TRMT11: variants seen among roughly 807,000 people sequenced by gnomAD.
The protein encoded by TRMT11 is tRNA methyltransferase 11.
Under a neutral mutation model 62.8 loss-of-function variants are expected in TRMT11, and 53 were observed. That is an observed-to-expected ratio of 0.84 (90% confidence interval 0.68 to 1.06). The LOEUF (loss-of-function observed/expected upper bound fraction) is 1.06. Among genes scored for constraint, TRMT11 ranks in the 50% least tolerant of loss-of-function variants. The pLI, the probability that TRMT11 is intolerant of heterozygous loss-of-function variation, is 0.00. For synonymous variants in TRMT11, 188 were observed against 190.3 expected, an observed-to-expected ratio of 0.99 and a Z score of 0.10; for missense variants, 556 against 553.4, an observed-to-expected ratio of 1.00 and a Z score of -0.05.
chr6:126,223,624 T>C, the TRMT11 span, among the ~76,000 whole-genome samples: 6 of 152,192 alleles, frequency 3.9e-5, no homozygotes, highest in South Asian at 2.1e-4. Context: ...CAAAATCTAA[T>C]GACTATGTGT....
chr6:126,189,002 A>T (rs1778560492), intron 1 of TRMT11, among the ~76,000 whole-genome samples: 1 of 152,180 alleles, frequency 6.6e-6, no homozygotes, highest in South Asian at 2.1e-4. Context: ...AATTGAAAAA[A>T]AAATCATAGG....
chr6:126,054,631 A>G (rs1328882803), intron 17 of TRMT11, among the ~76,000 whole-genome samples: 2 of 152,226 alleles, frequency 1.3e-5, no homozygotes, highest in African/African-American at 2.4e-5. Flanking sequence ...CCTTATCTCC[A>G]AGGCAAAATA....
At chr6:126,226,783 C>G in the TRMT11 span, among the ~76,000 whole-genome samples, 1 of 152,156 alleles carries the variant, frequency 6.6e-6, no homozygotes, top group African/African-American at 2.4e-5. Flanking sequence ...GGTTGTAAGG[C>G]AGTTGATATG....
intron 12 of TRMT11, among the ~76,000 whole-genome samples, chr6:126,023,692 A>G (rs1796157228): frequency 6.6e-6 from 1 of 152,136 alleles, no homozygotes; most frequent in South Asian, 2.1e-4. Flanking sequence ...TGCCTGATGC[A>G]ATAATATGTT....
chr6:126,164,595 A>G (rs1193246136), intron 21 of TRMT11, among the ~76,000 whole-genome samples: 2 of 152,122 alleles, frequency 1.3e-5, no homozygotes, highest in African/African-American at 4.8e-5. Flanking sequence ...TCCCACTATT[A>G]TTGTATGCGA....
At chr6:126,269,469 G>A in the TRMT11 span, among the ~76,000 whole-genome samples, 1 of 151,844 alleles carries the variant, frequency 6.6e-6, no homozygotes, top group Admixed American at 6.6e-5. Flanking sequence ...AAAATCAGGG[G>A]GTTAAATCTT....
At chr6:126,082,981 C>G (rs1777175147) in intron 17 of TRMT11, among the ~76,000 whole-genome samples, 1 of 151,996 alleles carries the variant, frequency 6.6e-6, no homozygotes, top group Admixed American at 6.6e-5. Context: ...GGTTAATATC[C>G]AAAATTTATA....
At chr6:126,141,783 T>C (rs376101902) in intron 21 of TRMT11, among the ~76,000 whole-genome samples, 43 of 152,254 alleles carry the variant, frequency 2.8e-4, no homozygotes, top group African/African-American at 9.1e-4. Context: ...TAATAAATGC[T>C]TTTTATTCTA....
chr6:126,011,577 G>A (rs543364210), intron 9 of TRMT11, among the ~76,000 whole-genome samples, 160 bp downstream of exon 9: 2 of 152,062 alleles, frequency 1.3e-5, no homozygotes, highest in East Asian at 1.9e-4. Flanking sequence ...AAGTTATGAA[G>A]GTACTTAACT....
chr6:126,176,300 A>G (rs1325131747), upstream of TRMT11, among the ~76,000 whole-genome samples: 1 of 152,196 alleles, frequency 6.6e-6, no homozygotes, highest in African/African-American at 2.4e-5. Context: ...GTTAAAATAT[A>G]GTGCAATTTA....
rs78865286 is a variant in TRMT11 at position 126,103,106 on chromosome 6, C to T, written c.*1438-9760C>T. 8.5e-3 allele frequency among the ~76,000 whole-genome samples: 1,297 copies of T among 152,308 alleles called. 21 individuals carry two copies. The highest frequency in any genetic ancestry group is 0.03 in the African/African-American group (1,233 of 41,564). ...AGAACTGTGGAACCTCCTCGACTTC[C>T]ATCGTAAACTCTTCCTGGGACCCAG... On this transcript the variant is annotated intron_variant and NMD_transcript_variant, in intron 17 of 22. Coordinates refer to the TRMT11 transcript ENST00000648977.
chr6:126,205,815 G>C (rs1474836310), downstream of TRMT11, among the ~76,000 whole-genome samples: 4 of 151,720 alleles, frequency 2.6e-5, no homozygotes, highest in African/African-American at 9.7e-5. Context: ...GCAGCTAGGG[G>C]TGGGAGAGGC....
At chr6:126,182,135 T>C (rs1329674078) in intron 1 of TRMT11, among the ~76,000 whole-genome samples, 1 of 152,150 alleles carries the variant, frequency 6.6e-6, no homozygotes, top group Non-Finnish European at 1.5e-5. Flanking sequence ...CGTATTAACA[T>C]AAACTCTAGA....
intron 17 of TRMT11, among the ~76,000 whole-genome samples, chr6:126,054,359 C>G (rs1311442188): frequency 6.6e-6 from 1 of 152,188 alleles, no homozygotes; most frequent in African/African-American, 2.4e-5. Flanking sequence ...CACCACAAAG[C>G]TTCCATTTCC....
rs4897167 is a variant in TRMT11 at position 126,029,555 on chromosome 6, C to G, written c.1260+8275C>G. 6.3e-3 allele frequency among the ~76,000 whole-genome samples: 964 copies of G among 152,048 alleles called. 11 individuals are homozygous for G. Among genetic ancestry groups the G allele is most frequent in the African/African-American group, 0.022 (911 of 41,480 alleles). On this transcript the variant is annotated intron_variant, in intron 12 of 12. Transcript: ENST00000334379. Reference sequence around the variant, plus strand: ...TGCATACTCATTTTTATTAATTATCCTTTTAATGGATTATGGAAATTTAAA... The same window carrying G: ...TGCATACTCATTTTTATTAATTATCGTTTTAATGGATTATGGAAATTTAAA...
the TRMT11 span, among the ~76,000 whole-genome samples, chr6:126,226,204 G>T: frequency 6.6e-6 from 1 of 152,090 alleles, no homozygotes; most frequent in African/African-American, 2.4e-5. Context: ...AGAGGAAAAA[G>T]AATGGAAAAT....
At chr6:126,086,632 A>G (rs1389094407) in intron 17 of TRMT11, among the ~76,000 whole-genome samples, 2 of 152,208 alleles carry the variant, frequency 1.3e-5, no homozygotes, top group Non-Finnish European at 2.9e-5. Context: ...CCCTGCCTAC[A>G]GTACTTCAGC....
chr6:126,124,289 T>C (rs970217676), intron 21 of TRMT11, among the ~76,000 whole-genome samples: 3 of 152,132 alleles, frequency 2.0e-5, no homozygotes, highest in Non-Finnish European at 4.4e-5. Flanking sequence ...AATTTTATTC[T>C]ATCTGGCTGG....
intron 17 of TRMT11, among the ~76,000 whole-genome samples, chr6:126,075,204 A>G (rs1300206385): frequency 1.3e-5 from 2 of 152,154 alleles, no homozygotes; most frequent in Admixed American, 6.5e-5. Context: ...ATTAAAGGAA[A>G]GTGTCAATGT....
Sources: gnomAD v4.1 joint callset for allele counts (sites outside exome capture counted in the v4.1 genomes callset) on GRCh38, gnomAD v4.1.1 for gene constraint, MANE v1.5 for transcripts, NCBI Gene and HGNC (gene_info 2026-07-23, HGNC 2026-07-21) for gene names.